FBXO2: variants seen among roughly 807,000 people sequenced by gnomAD.
The protein encoded by FBXO2 is F-box protein 2, also known as F-box only protein 2.
FBXO2 carries 32 observed loss-of-function variants against 38.6 expected under a neutral mutation model. The observed-to-expected ratio is 0.83, with a 90% confidence interval of 0.62 to 1.11. FBXO2 has a LOEUF of 1.11. FBXO2 is among the 50% of genes most tolerant of loss of function. FBXO2 has a pLI of 0.00. For synonymous variants in FBXO2, 189 were observed against 182.9 expected (o/e 1.03, Z -0.27); for missense variants, 450 against 418.3 (o/e 1.08, Z -0.66).
intron 1 of FBXO2, among the ~76,000 whole-genome samples, chr1:11,653,857 G>GC (rs1015747853): frequency 1.3e-5 from 2 of 152,170 alleles, no homozygotes; most frequent in African/African-American, 4.8e-5. Flanking sequence ...GGGAGGGGCA[G>GC]CCCCTCCAGA....
In FBXO2 at chr1:11,649,353, A is replaced by G. The variant is rs1013190795; in HGVS notation, c.618-128T>C. The G allele has an allele frequency of 1.0e-5, 8 of 762,484 alleles. No individual in the cohort carries two copies. In the African/African-American group the frequency reaches 1.2e-4, roughly 12 times the overall value. The allele number at this position is 762,484 out of a possible 1,614,324, so 47.2% of individuals were successfully genotyped here. A position where few individuals can be genotyped will look rare whatever the true frequency, so the allele number is the denominator to read the frequency against. Reference sequence around the variant, plus strand: ...CTCCTGTGCGCCCAACATCCCTGTCAGCCAGCACTGCCAGTGTTCCCAGTT... The same window carrying G: ...CTCCTGTGCGCCCAACATCCCTGTCGGCCAGCACTGCCAGTGTTCCCAGTT... On this transcript the variant is annotated intron_variant, in intron 4 of 5. Coordinates refer to ENST00000354287, the MANE Select transcript of FBXO2 (RefSeq NM_012168.6).
Position 11,650,523 on chromosome 1 carries a change from G to C in FBXO2, c.334C>G (p.Gln112Glu), listed in dbSNP as rs774852820. ...CGCCGCTTGCTCAGGAAGTAGAACT[G>C]CTGCCAGTGGTCGCGCTCCTCCTCC... ...GVEEERDHWQQFYFLSKRRRN... is the reference protein window; with the variant it reads ...GVEEERDHWQEFYFLSKRRRN... The change falls in exon 2 of 6, where the codon CAG becomes GAG. Residue 112 changes from glutamine (Q) to glutamate (E), a missense_variant. Physicochemically the swap from Gln to Glu is conservative, Grantham distance 29. Coordinates refer to ENST00000354287, the MANE Select transcript of FBXO2 (RefSeq NM_012168.6). 6.2e-7 allele frequency: 1 copy of C among 1,605,466 alleles called. No homozygotes were observed. The highest frequency in any genetic ancestry group is 8.5e-7 in the Non-Finnish European group (1 of 1,177,048).
rs765552130 is a variant in FBXO2 at position 11,650,633 on chromosome 1, C to T, written c.224G>A (p.Cys75Tyr). 1.9e-6 allele frequency: 3 copies of T among 1,581,826 alleles called. No individual in the cohort carries two copies. The highest frequency in any genetic ancestry group is 1.7e-6 in the Non-Finnish European group (2 of 1,169,004). The change falls in exon 2 of 6, where the codon TGC becomes TAC. Residue 75 changes from cysteine (C) to tyrosine (Y), a missense_variant. Physicochemically the swap from Cys to Tyr is radical, Grantham distance 194. Transcript: ENST00000354287. ...GTCCACCAGCTCCTTCCAGCGCAGG[C>T]ACACCAGGCGGCAGGCCTGCACCAG... The part of the protein sequence containing the change: ...AELVQACRLV[C>Y]LRWKELVDGA...
chr1:11,649,871 C>T lies in FBXO2; in HGVS notation c.525G>A (p.Trp175Ter). Residue 175 changes from tryptophan (W) to a stop codon, truncating the protein, a stop_gained, in exon 4 of 6, where the codon TGG becomes TGA. Transcript: ENST00000354287. LOFTEE classifies it high-confidence loss of function. ...GGTCAATGACCTGTGCTTTGCGACA[C>T]CACCTGGGAGAACTGGAGTTAGGAC... The part of the protein sequence containing the change: ...VKKYFASSFE[W>*]CRKAQVIDLQ... The T allele has an allele frequency of 6.2e-7, 1 of 1,614,082 alleles. No homozygotes were observed. The highest frequency in any genetic ancestry group is 2.2e-5 in the East Asian group (1 of 44,882).
chr1:11,649,184 G>T lies in FBXO2; in HGVS notation c.659C>A (p.Thr220Asn). ...RSDAGCLYELTVKLLSEHENV... is the reference protein window; with the variant it reads ...RSDAGCLYELNVKLLSEHENV... ...CTCGTGCTCGGACAGTAGCTTAACG[G>T]TGAGCTCGTAGAGGCAACCAGCGTC... The change falls in exon 5 of 6, where the codon ACC becomes AAC. Residue 220 changes from threonine (T) to asparagine (N), a missense_variant. Coordinates refer to ENST00000354287, the MANE Select transcript of FBXO2 (RefSeq NM_012168.6). 6.4e-7 allele frequency: 1 copy of T among 1,553,870 alleles called. No homozygotes were observed. Among genetic ancestry groups the T allele is most frequent in the Non-Finnish European group, 8.7e-7 (1 of 1,148,504 alleles).
At chr1:11,653,052 A>T (rs1639558942) in intron 1 of FBXO2, among the ~76,000 whole-genome samples, 1 of 152,204 alleles carries the variant, frequency 6.6e-6, no homozygotes, top group Non-Finnish European at 1.5e-5. Flanking sequence ...CTTCTCCCAG[A>T]CCACATCGCA....
At chr1:11,649,445 T>C in intron 4 of FBXO2, 1 of 600,924 alleles carries the variant, frequency 1.7e-6, no homozygotes, top group East Asian at 2.8e-5. Context: ...GAGGACTACA[T>C]TCCAAGTTGG....
rs780091512 is a variant in FBXO2 at position 11,649,982 on chromosome 1, C to A, written c.484G>T (p.Asp162Tyr). 2 of 1,613,918 alleles carry A rather than the reference C, an allele frequency of 1.2e-6. No homozygotes were observed. Among genetic ancestry groups the A allele is most frequent in the South Asian group, 1.1e-5 (1 of 91,084 alleles). ...GCGAAGTACTTCTTGACGCTCTCAT[C>A]GTGGGTGAACTCCACCCCACTGTCT... ...PGDSGVEFTHDESVKKYFASS... is the reference protein window; with the variant it reads ...PGDSGVEFTHYESVKKYFASS... Residue 162 changes from aspartate (D) to tyrosine (Y), a missense_variant, in exon 3 of 6, where the codon GAT becomes TAT. By Grantham distance (160) the Asp-to-Tyr change is radical. Coordinates refer to ENST00000354287, the MANE Select transcript of FBXO2 (RefSeq NM_012168.6).
chr1:11,650,830 G>A lies in FBXO2; in HGVS notation c.27C>T (p.Ser9=), dbSNP rs1639509186. The part of the protein sequence containing the change: MDGDGDPE[S]VGQPEEASPE... ...GGCTTGCCTCCTCGGGCTGGCCCACGCTCTCTGCAGGCAGGGATGGGTGGG... is the reference window on the plus strand; with the variant it reads ...GGCTTGCCTCCTCGGGCTGGCCCACACTCTCTGCAGGCAGGGATGGGTGGG... Residue 9 remains serine (S), a synonymous_variant, in exon 2 of 6, where the codon AGC becomes AGT. Coordinates refer to ENST00000354287, the MANE Select transcript of FBXO2 (RefSeq NM_012168.6). 1.3e-6 allele frequency: 2 copies of A among 1,552,182 alleles called. No homozygotes were observed. The highest frequency in any genetic ancestry group is 1.7e-6 in the Non-Finnish European group (2 of 1,155,036).
chr1:11,654,186 G>A (rs1168763681), intron 1 of FBXO2, 133 bp downstream of exon 1: 1 of 1,005,328 alleles, frequency 9.9e-7, no homozygotes. Context: ...CCGCCTCTAG[G>A]GCTTCGCTGG....
chr1:11,650,454 A>G lies in FBXO2; in HGVS notation c.391+12T>C, dbSNP rs756425865. ...CAGGGGAAGCTGAGCTCGCCCAGCG[A>G]GGGCCTCTCACCTTCCCCACACGGG... On this transcript the variant is annotated intron_variant, in intron 2 of 5. Transcript: ENST00000354287. 5 of 1,604,466 alleles carry G rather than the reference A, an allele frequency of 3.1e-6. No homozygotes were observed. In the East Asian group the frequency reaches 9.0e-5, roughly 29 times the overall value.
chr1:11,652,644 G>A (rs1639545159), intron 1 of FBXO2, among the ~76,000 whole-genome samples: 1 of 152,194 alleles, frequency 6.6e-6, no homozygotes, highest in East Asian at 1.9e-4. Context: ...GAGGAGACGG[G>A]GCCACTCTGG....
At chr1:11,653,077 CAG>C (rs1207548121) in intron 1 of FBXO2, among the ~76,000 whole-genome samples, 2 of 152,232 alleles carry the variant, frequency 1.3e-5, no homozygotes, top group African/African-American at 4.8e-5. Context: ...GGCAGGAAGA[CAG>C]AGGAAAATGC....
intron 1 of FBXO2, among the ~76,000 whole-genome samples, chr1:11,652,930 C>T (rs1360379863): frequency 6.6e-6 from 1 of 152,222 alleles, no homozygotes; most frequent in Non-Finnish European, 1.5e-5. Flanking sequence ...CCTCATTGAA[C>T]ACAGCACTTC....
intron 5 of FBXO2, 85 bp downstream of exon 5, chr1:11,649,002 C>T (rs1639467140): frequency 6.8e-7 from 1 of 1,479,240 alleles, no homozygotes; most frequent in African/African-American, 1.4e-5. Context: ...CCACCCCAGC[C>T]CAGGAGCGCT....
chr1:11,654,279 T>G (rs1039428114), intron 1 of FBXO2, 40 bp downstream of exon 1: 7 of 1,482,114 alleles, frequency 4.7e-6, no homozygotes, highest in Non-Finnish European at 6.2e-6. Context: ...CGACCCCATC[T>G]CCCCTCCCCG....
chr1:11,648,482 C>T lies in FBXO2; in HGVS notation c.*212G>A, dbSNP rs1323810494. On this transcript the variant is annotated 3_prime_UTR_variant, in exon 6 of 6. Coordinates refer to ENST00000354287, the MANE Select transcript of FBXO2 (RefSeq NM_012168.6). The surrounding 1 kb of genome is among the most constrained non-coding windows in gnomAD (Gnocchi z 4.2). ...CAGTGGGTCCAGTCCAAGCTCACGC[C>T]CTCACGGATCTACATTCTAGAAGCC... is the stretch of plus-strand genomic sequence containing the variant. The T allele has an allele frequency of 2.4e-5, 15 of 632,872 alleles. No homozygotes were observed. In the East Asian group the frequency reaches 4.2e-4, roughly 18 times the overall value. 39.2% of individuals were successfully genotyped at this position (632,872 alleles called of 1,614,324 possible).
chr1:11,653,320 C>G (rs928696299), intron 1 of FBXO2: 1 of 152,446 alleles, frequency 6.6e-6, no homozygotes, highest in Admixed American at 6.5e-5. Flanking sequence ...ACACACAACT[C>G]CCCACATTGT....
chr1:11,654,288 C>T (rs1444817445), intron 1 of FBXO2, 31 bp downstream of exon 1: 2 of 1,489,408 alleles, frequency 1.3e-6, no homozygotes, highest in Non-Finnish European at 1.8e-6. Context: ...CTCCCCTCCC[C>T]GCCGCAGCGA....
Sources: gnomAD v4.1 joint callset for allele counts (sites outside exome capture counted in the v4.1 genomes callset) on GRCh38, gnomAD v4.1.1 for gene constraint, Gnocchi (gnomAD v3.1) non-coding constraint, MANE v1.5 for transcripts, NCBI Gene and HGNC (gene_info 2026-07-23, HGNC 2026-07-21) for gene names.